PPARGC1A: variants seen among roughly 807,000 people sequenced by gnomAD.
PPARGC1A encodes PPARG coactivator 1 alpha.
A neutral mutation model predicts 88.7 loss-of-function variants in PPARGC1A; 25 were observed. The ratio of observed to expected loss-of-function variants is 0.28; its 90% CI spans 0.21 to 0.39. The LOEUF (loss-of-function observed/expected upper bound fraction) is 0.39, where lower values mean the gene tolerates loss of function less well. Ranked by LOEUF, PPARGC1A falls within the 10% of genes least tolerant of loss-of-function variation. The pLI is 1.00. For missense variants in PPARGC1A, 880 were observed against 968.7 expected (o/e 0.91, Z 1.22); for synonymous variants, 363 against 355.6 (o/e 1.02, Z -0.24).
the PPARGC1A span, among the ~76,000 whole-genome samples, chr4:24,470,090 G>A: frequency 6.6e-6 from 1 of 152,112 alleles, no homozygotes; most frequent in Non-Finnish European, 1.5e-5. The surrounding 1 kb of genome is among the most constrained non-coding windows in gnomAD (Gnocchi z 5.8). Flanking sequence ...GCCCCGGGGT[G>A]CAGGTCGGAG....
chr4:24,127,557 G>A, the PPARGC1A span, among the ~76,000 whole-genome samples: 16 of 151,982 alleles, frequency 1.1e-4, no homozygotes, highest in Admixed American at 1.3e-4. Flanking sequence ...ACACGTGCGC[G>A]CGTGTGGATA....
chr4:23,829,406 C>T (rs1724591482), intron 4 of PPARGC1A, 57 bp downstream of exon 4: 1 of 1,583,484 alleles, frequency 6.3e-7, no homozygotes, highest in South Asian at 1.1e-5. Context: ...TGTTTTACTG[C>T]TTCAAGCCAA....
the PPARGC1A span, among the ~76,000 whole-genome samples, chr4:23,966,312 T>C: frequency 6.6e-6 from 1 of 152,202 alleles, no homozygotes; most frequent in African/African-American, 2.4e-5. Flanking sequence ...GTATCAATGC[T>C]GCCCAGTATG....
At chr4:24,396,862 G>T in the PPARGC1A span, among the ~76,000 whole-genome samples, 2 of 152,178 alleles carry the variant, frequency 1.3e-5, no homozygotes, top group Non-Finnish European at 2.9e-5. Flanking sequence ...AACAGAACTT[G>T]CACAAATCCT....
chr4:23,990,253 C>G, the PPARGC1A span, among the ~76,000 whole-genome samples: 68 of 150,018 alleles, frequency 4.5e-4, no homozygotes, highest in African/African-American at 1.6e-3. Context: ...ATAAATTGAG[C>G]CTTTTTGTTG....
chr4:24,374,532 G>T, the PPARGC1A span, among the ~76,000 whole-genome samples: 3 of 151,076 alleles, frequency 2.0e-5, no homozygotes, highest in Non-Finnish European at 4.4e-5. Context: ...TAACAAACCT[G>T]CACGTGTACC....
At chr4:24,437,630 G>GT in the PPARGC1A span, among the ~76,000 whole-genome samples, 6 of 141,294 alleles carry the variant, frequency 4.2e-5, no homozygotes, top group East Asian at 1.2e-3. Flanking sequence ...TGTTGTTGTT[G>GT]TTGTTGTTTT....
chr4:23,819,226 G>A lies in PPARGC1A; in HGVS notation c.878-4621C>T, dbSNP rs115605075. 5.5e-3 allele frequency among the ~76,000 whole-genome samples: 840 copies of A among 152,180 alleles called. 6 individuals carry two copies. The highest frequency in any genetic ancestry group is 0.019 in the African/African-American group (787 of 41,538). Reference sequence around the variant, plus strand: ...CTCTCCTTCTGCACCTACTTCCCCAGGACTCACTGGAGCTCCACAAGACCC... The same window carrying A: ...CTCTCCTTCTGCACCTACTTCCCCAAGACTCACTGGAGCTCCACAAGACCC... On this transcript the variant is annotated intron_variant, in intron 7 of 12. Coordinates refer to ENST00000264867, the MANE Select transcript of PPARGC1A (RefSeq NM_013261.5).
the PPARGC1A span, among the ~76,000 whole-genome samples, chr4:24,370,144 A>AT: frequency 2.0e-5 from 3 of 152,104 alleles, no homozygotes; most frequent in Admixed American, 6.5e-5. Flanking sequence ...TTCTTTTAAC[A>AT]TTTTTTTTCA....
the PPARGC1A span, among the ~76,000 whole-genome samples, chr4:23,950,909 A>G: frequency 2.0e-5 from 3 of 152,280 alleles, no homozygotes; most frequent in African/African-American, 7.2e-5. Context: ...GAGCCAATTA[A>G]TCAGAGAGAG....
At chr4:24,383,561 C>T in the PPARGC1A span, among the ~76,000 whole-genome samples, 8 of 152,114 alleles carry the variant, frequency 5.3e-5, no homozygotes, top group Non-Finnish European at 1.5e-5. Flanking sequence ...AAACACATCA[C>T]GAGAACTTTG....
the PPARGC1A span, among the ~76,000 whole-genome samples, chr4:24,177,695 T>C: frequency 3.0e-5 from 4 of 133,486 alleles, no homozygotes; most frequent in African/African-American, 1.1e-4. Context: ...AAAAAAAGAA[T>C]CTCGGACTTC....
At chr4:23,934,882 C>T in the PPARGC1A span, among the ~76,000 whole-genome samples, 2 of 152,152 alleles carry the variant, frequency 1.3e-5, no homozygotes, top group Admixed American at 1.3e-4. Context: ...AAACAATTGC[C>T]ACTGCCTTTC....
chr4:24,175,681 C>T, the PPARGC1A span, among the ~76,000 whole-genome samples: 1 of 151,712 alleles, frequency 6.6e-6, no homozygotes, highest in Admixed American at 6.6e-5. Context: ...AGCCACTGCG[C>T]CCAGTCGATT....
chr4:24,199,970 A>G, the PPARGC1A span, among the ~76,000 whole-genome samples: 2 of 152,166 alleles, frequency 1.3e-5, no homozygotes, highest in African/African-American at 4.8e-5. Context: ...AAACCTACAT[A>G]TGCACCAACA....
At chr4:24,116,764 A>G in the PPARGC1A span, among the ~76,000 whole-genome samples, 1 of 152,178 alleles carries the variant, frequency 6.6e-6, no homozygotes, top group Admixed American at 6.6e-5. Flanking sequence ...GGCTGAAACT[A>G]AAGCTCAGAC....
chr4:24,181,025 C>A, the PPARGC1A span, among the ~76,000 whole-genome samples: 1 of 152,154 alleles, frequency 6.6e-6, no homozygotes, highest in Admixed American at 6.6e-5. Flanking sequence ...CACAATAAAC[C>A]AGCTTCCAGT....
chr4:24,174,807 A>G, the PPARGC1A span, among the ~76,000 whole-genome samples: 1 of 152,330 alleles, frequency 6.6e-6, no homozygotes, highest in South Asian at 2.1e-4. Context: ...ATGTGGGACT[A>G]GTCATGGGAA....
intron 2 of PPARGC1A, among the ~76,000 whole-genome samples, chr4:23,845,148 A>C (rs1728093420): frequency 6.6e-6 from 1 of 152,042 alleles, no homozygotes; most frequent in Non-Finnish European, 1.5e-5. Flanking sequence ...TTTAGCACGG[A>C]GGCCTGCTGT....
Sources: gnomAD v4.1 joint callset for allele counts (sites outside exome capture counted in the v4.1 genomes callset) on GRCh38, gnomAD v4.1.1 for gene constraint, Gnocchi (gnomAD v3.1) non-coding constraint, MANE v1.5 for transcripts, NCBI Gene and HGNC (gene_info 2026-07-23, HGNC 2026-07-21) for gene names.